Variants in VSIG4 observed in about 807,000 individuals in gnomAD.
VSIG4 encodes V-set and immunoglobulin domain-containing protein 4.
VSIG4 carries 34 observed loss-of-function variants against 23.4 expected under a neutral mutation model. The observed-to-expected ratio is 1.45, with a 90% CI of 1.10 to 1.93. The LOEUF is 1.93. VSIG4 is among the 30% of genes most tolerant of loss of function. The pLI, the probability that VSIG4 is intolerant of heterozygous loss-of-function variation, is 0.00. For synonymous variants in VSIG4, 169 were observed against 120.3 expected (o/e 1.41, Z -2.65); for missense variants, 433 against 310.8 (o/e 1.39, Z -2.96).
At chrX:66,036,706 A>AATTATATAATATATAT (rs1171763166) in intron 1 of VSIG4, among the ~76,000 whole-genome samples, 1 of 55,435 alleles carries the variant, frequency 1.8e-5, no homozygotes, top group Non-Finnish European at 2.9e-5. Flanking sequence ...AATATATTAT[A>AATTATATAATATATAT]ATTATATAAT....
intron 3 of VSIG4, among the ~76,000 whole-genome samples, 192 bp downstream of exon 3, chrX:66,032,276 A>G (rs1309024109): frequency 8.9e-6 from 1 of 111,884 alleles, no homozygotes; most frequent in Admixed American, 9.5e-5. Flanking sequence ...TATCTACTTA[A>G]CCTATGGCAT....
Position 66,031,769 on chromosome X carries a change from TC to T in VSIG4, c.694+698del, listed in dbSNP as rs1182009609. On this transcript the variant is annotated intron_variant, in intron 3 of 7. Coordinates refer to ENST00000374737, the MANE Select transcript of VSIG4 (RefSeq NM_007268.3). Reference sequence around the variant, plus strand: ...TCTTTATATGCATAGTTTGTAGTGCTCCCAGGACAGTGCTGTAAGAAATAGT... The same window carrying T: ...TCTTTATATGCATAGTTTGTAGTGCTCCAGGACAGTGCTGTAAGAAATAGT... Among the ~76,000 whole-genome samples, 3 of 111,396 alleles carry T rather than the reference TC, an allele frequency of 2.7e-5. No homozygotes were observed. In the Admixed American group the frequency reaches 2.9e-4, roughly 11 times the overall value.
intron 5 of VSIG4, among the ~76,000 whole-genome samples, chrX:66,026,801 G>A (rs1359809082): frequency 9.0e-6 from 1 of 111,544 alleles, no homozygotes; most frequent in African/African-American, 3.3e-5. Context: ...GCATGACCAT[G>A]GGGGTGGTCT....
intron 1 of VSIG4, among the ~76,000 whole-genome samples, chrX:66,034,766 T>TGG (rs1211655954): frequency 2.7e-4 from 1 of 3,693 alleles, no homozygotes; most frequent in Non-Finnish European, 4.4e-4. Flanking sequence ...CCCTTGGGGA[T>TGG]GGGGGTGGGG....
chrX:66,029,468 T>C (rs2085439440), intron 3 of VSIG4, among the ~76,000 whole-genome samples: 1 of 111,399 alleles, frequency 9.0e-6, no homozygotes, highest in South Asian at 3.8e-4. Context: ...AGCAATGAAG[T>C]AGACAGGTAG....
Position 66,033,734 on chromosome X carries a change from T to G in VSIG4, c.152A>C (p.Gln51Pro), listed in dbSNP as rs1205503417. ...CTYDPLQGYTQVLVKWLVQRG... is the reference protein window; with the variant it reads ...CTYDPLQGYTPVLVKWLVQRG... ...TTGTACCAGCCACTTCACCAAGACT[T>G]GGGTGTAGCCTTGCAGGGGGTCATA... The change falls in exon 2 of 8, where the codon CAA becomes CCA. Residue 51 changes from glutamine to proline, a missense_variant. By Grantham distance (76) the Gln-to-Pro change is moderately conservative. Coordinates refer to ENST00000374737, the MANE Select transcript of VSIG4 (RefSeq NM_007268.3). 1.2e-5 allele frequency: 14 copies of G among 1,211,247 alleles called. No individual in the cohort carries two copies. Among genetic ancestry groups the G allele is most frequent in the Non-Finnish European group, 1.6e-5 (14 of 895,346 alleles).
At chrX:66,035,115 C>T (rs1402196477) in intron 1 of VSIG4, among the ~76,000 whole-genome samples, 1 of 110,976 alleles carries the variant, frequency 9.0e-6, no homozygotes, top group African/African-American at 3.3e-5. Flanking sequence ...AAAATCAAGC[C>T]TCTAGCCTGT....
rs148836321 is a variant in VSIG4, at chrX:66,038,426, G to C, written c.55+1518C>G. 1.4e-4 allele frequency among the ~76,000 whole-genome samples: 15 copies of C among 110,226 alleles called. No homozygotes were observed. In the East Asian group the frequency reaches 4.0e-3, roughly 30 times the overall value. ...AAATGGAAGGCCTGCTTCCAGGTCT[G>C]GAAAAGCTCATAGGCTGGGGAAGGA... On this transcript the variant is annotated intron_variant, in intron 1 of 7. Coordinates refer to ENST00000374737, the MANE Select transcript of VSIG4 (RefSeq NM_007268.3).
At chrX:66,039,119 C>T (rs1053352366) in intron 1 of VSIG4, among the ~76,000 whole-genome samples, 2 of 111,894 alleles carry the variant, frequency 1.8e-5, no homozygotes, top group Admixed American at 1.9e-4. Context: ...ATAGCCCAGA[C>T]AAATTGAGCC....
At chrX:66,028,963 CT>C (rs1335444411) in intron 3 of VSIG4, among the ~76,000 whole-genome samples, 2 of 111,672 alleles carry the variant, frequency 1.8e-5, no homozygotes, top group Non-Finnish European at 3.8e-5. Context: ...CCAAAATAGC[CT>C]TAAAAATGGT....
At chrX:66,034,967 A>G (rs757574311) in intron 1 of VSIG4, among the ~76,000 whole-genome samples, 2 of 111,294 alleles carry the variant, frequency 1.8e-5, no homozygotes, top group South Asian at 7.6e-4. Context: ...TTCCTGAATA[A>G]AAGTCTTTTA....
chrX:66,032,767 G>A lies in VSIG4; in HGVS notation c.413-18C>T. Reference sequence around the variant, plus strand: ...GACAGAGACTGCAAAGAAAAGACAAGACAGGAAACTCTGGGCAGTCATAAG... The same window carrying A: ...GACAGAGACTGCAAAGAAAAGACAAAACAGGAAACTCTGGGCAGTCATAAG... On this transcript the variant is annotated intron_variant, in intron 2 of 7. Coordinates refer to ENST00000374737, the MANE Select transcript of VSIG4 (RefSeq NM_007268.3). The A allele has an allele frequency of 1.7e-6, 2 of 1,203,733 alleles. No homozygotes were observed. Among genetic ancestry groups the A allele is most frequent in the Non-Finnish European group, 2.2e-6 (2 of 891,462 alleles).
At chrX:66,024,627 T>C (rs999946688) in intron 6 of VSIG4, among the ~76,000 whole-genome samples, 5 of 112,087 alleles carry the variant, frequency 4.5e-5, no homozygotes, top group African/African-American at 1.6e-4. Flanking sequence ...TGGATCCCTT[T>C]AGCATTAATT....
In VSIG4 at chrX:66,031,782, C is replaced by T. The variant is rs1221465143; in HGVS notation, c.694+686G>A. 5.4e-5 allele frequency among the ~76,000 whole-genome samples: 6 copies of T among 111,413 alleles called. No homozygotes were observed. In the South Asian group the frequency reaches 1.1e-3, roughly 21 times the overall value. ...AGTTTGTAGTGCTCCCAGGACAGTG[C>T]TGTAAGAAATAGTCAGATCTTGATT... On this transcript the variant is annotated intron_variant, in intron 3 of 7. Transcript: ENST00000374737.
intron 3 of VSIG4, among the ~76,000 whole-genome samples, chrX:66,031,509 T>C (rs1297509549): frequency 9.1e-6 from 1 of 110,035 alleles, no homozygotes; most frequent in Non-Finnish European, 1.9e-5. Context: ...GCCCAAATGG[T>C]AATAAGCCAT....
chrX:66,033,862 C>T (rs779924986), intron 1 of VSIG4, 32 bp from the exon 2 acceptor site: 10 of 1,111,107 alleles, frequency 9.0e-6, no homozygotes, highest in Non-Finnish European at 1.1e-5. Flanking sequence ...AAGAAGCAAA[C>T]GTAGATGGCA....
chrX:66,029,618 A>T (rs1039629421), intron 3 of VSIG4, among the ~76,000 whole-genome samples: 1 of 111,972 alleles, frequency 8.9e-6, no homozygotes, highest in Non-Finnish European at 1.9e-5. Flanking sequence ...TTTAAAAAAG[A>T]ATATGAGACC....
intron 1 of VSIG4, among the ~76,000 whole-genome samples, chrX:66,034,274 T>G (rs2085507045): frequency 1.8e-5 from 2 of 112,272 alleles, no homozygotes; most frequent in Admixed American, 9.4e-5. Flanking sequence ...CATTTGGGTC[T>G]GGACTATTTC....
intron 3 of VSIG4, among the ~76,000 whole-genome samples, chrX:66,031,457 T>G (rs187606884): frequency 9.1e-6 from 1 of 109,818 alleles, no homozygotes; most frequent in African/African-American, 3.3e-5. Context: ...AACAAATTCC[T>G]CCAGGCAAAC....
Sources: allele counts gnomAD v4.1 joint callset (sites outside exome capture counted in the v4.1 genomes callset), GRCh38; gene constraint gnomAD v4.1.1; transcripts MANE v1.5; gene names NCBI Gene and HGNC (gene_info 2026-07-23, HGNC 2026-07-21).